MS4A15: variants seen among roughly 807,000 people sequenced by gnomAD.
The protein encoded by MS4A15 is membrane-spanning 4-domains subfamily A member 15.
Under a neutral mutation model 20.6 loss-of-function variants are expected in MS4A15, and 22 were observed. The ratio of observed to expected loss-of-function variants is 1.07; its 90% CI spans 0.76 to 1.52. MS4A15 has a LOEUF of 1.52. Ranked by LOEUF, MS4A15 falls within the 40% of genes most tolerant of loss-of-function variation. MS4A15 has a pLI of 0.00. For missense variants in MS4A15, 312 were observed against 323.0 expected, an observed-to-expected ratio of 0.97 and a Z score of 0.26; for synonymous variants, 129 against 129.3, an observed-to-expected ratio of 1.00 and a Z score of 0.02.
At chr11:60,763,553 TTC>T (rs1262910373) in intron 1 of MS4A15, among the ~76,000 whole-genome samples, 151 bp from the exon 2 acceptor site, 1 of 152,226 alleles carries the variant, frequency 6.6e-6, no homozygotes, top group Non-Finnish European at 1.5e-5. Flanking sequence ...CATCTTTCGC[TTC>T]TCTGAGTCTC....
chr11:60,760,828 G>C (rs993781603), intron 1 of MS4A15, among the ~76,000 whole-genome samples: 6 of 152,204 alleles, frequency 3.9e-5, no homozygotes, highest in Admixed American at 3.9e-4. Flanking sequence ...TGACAATGAC[G>C]GTGATGACTC....
At chr11:60,773,543 A>G in intron 5 of MS4A15, 59 bp downstream of exon 5, 1 of 1,497,696 alleles carries the variant, frequency 6.7e-7, no homozygotes, top group Non-Finnish European at 9.3e-7. Flanking sequence ...AGCCATGTCC[A>G]GGAGGGTAGG....
At chr11:60,770,427 G>A (rs1268766211) in intron 3 of MS4A15, among the ~76,000 whole-genome samples, 3 of 151,642 alleles carry the variant, frequency 2.0e-5, no homozygotes, top group African/African-American at 4.8e-5. Context: ...GTGAAACCCC[G>A]TCTCTCCTAA....
chr11:60,767,520 G>C lies in MS4A15; in HGVS notation c.226-13G>C. ...ACAGGGCCCGCGGCACTGAGCCTCGGGGCTTCCCGCAGACGGTGCAGATCC... is the reference window on the plus strand; with the variant it reads ...ACAGGGCCCGCGGCACTGAGCCTCGCGGCTTCCCGCAGACGGTGCAGATCC... On this transcript the variant is annotated splice_polypyrimidine_tract_variant and intron_variant, in intron 2 of 6. Transcript: ENST00000405633. 6.6e-7 allele frequency: 1 copy of C among 1,512,166 alleles called. No homozygotes were observed. 93.7% of individuals were successfully genotyped at this position (1,512,166 alleles called of 1,614,324 possible). A position where few individuals can be genotyped will look rare whatever the true frequency, so the allele number is the denominator to read the frequency against.
rs367563243 is a variant in MS4A15 at position 60,773,828 on chromosome 11, G to A, written c.499-9G>A. ...CTGGGCTCACCTTTCTGTGGGTTTTGGTCCCCAGGATGTGGACAGGGGCTA... is the reference window on the plus strand; with the variant it reads ...CTGGGCTCACCTTTCTGTGGGTTTTAGTCCCCAGGATGTGGACAGGGGCTA... On this transcript the variant is annotated splice_polypyrimidine_tract_variant and intron_variant, in intron 5 of 6. Transcript: ENST00000405633. 14 of 1,608,058 alleles carry A rather than the reference G, an allele frequency of 8.7e-6. No homozygotes were observed. The East Asian group carries it at 3.1e-4, about 36-fold the overall frequency.
intron 2 of MS4A15, 50 bp from the exon 3 acceptor site, chr11:60,767,483 G>C (rs1853911520): frequency 7.0e-7 from 1 of 1,428,230 alleles, no homozygotes; most frequent in Non-Finnish European, 9.2e-7. Flanking sequence ...GGCCGGCAGG[G>C]GGCGGTGTGG....
chr11:60,767,114 A>G (rs909148449), intron 2 of MS4A15, among the ~76,000 whole-genome samples: 5 of 152,294 alleles, frequency 3.3e-5, no homozygotes, highest in Non-Finnish European at 5.9e-5. Flanking sequence ...GGCTGGGACG[A>G]TCAGTGATGG....
chr11:60,767,623 G>C lies in MS4A15; in HGVS notation c.316G>C (p.Glu106Gln). ...RRGHVGIFFI[E>Q]GGVPFWGGAC... ...CGGCCACGTGGGCATCTTCTTCATC[G>C]AGGGCGGCGTCCCCTTCTGGGGAGG... Residue 106 changes from glutamate (E) to glutamine (Q), a missense_variant, in exon 3 of 7, where the codon GAG becomes CAG. Coordinates refer to ENST00000405633, the MANE Select transcript of MS4A15 (RefSeq NM_001098835.2). 1.3e-6 allele frequency: 2 copies of C among 1,556,988 alleles called. No homozygotes were observed. Among genetic ancestry groups the C allele is most frequent in the Non-Finnish European group, 1.7e-6 (2 of 1,149,754 alleles).
chr11:60,774,004 T>C, intron 6 of MS4A15, 54 bp downstream of exon 6: 1 of 1,445,020 alleles, frequency 6.9e-7, no homozygotes. Flanking sequence ...TGAGCCTGTG[T>C]GGAAGGCAGT....
At chr11:60,774,068 A>G in intron 6 of MS4A15, 118 bp downstream of exon 6, 1 of 754,472 alleles carries the variant, frequency 1.3e-6, no homozygotes. Flanking sequence ...CTGGGAAGCA[A>G]TAAGAAGAGA....
chr11:60,770,471 G>A lies in MS4A15; in HGVS notation c.349-820G>A, dbSNP rs186113602. 4.6e-5 allele frequency among the ~76,000 whole-genome samples: 7 copies of A among 151,862 alleles called. 2 individuals are homozygous for A. Among genetic ancestry groups the A allele is most frequent in the East Asian group, 3.9e-4 (2 of 5,068 alleles). ...AAATTAGCTGGGTGTGGTGGCGGGC[G>A]TCTGTAGTCCCAGCTACTTGGGAGG... is the stretch of plus-strand genomic sequence containing the variant. On this transcript the variant is annotated intron_variant, in intron 3 of 6. Transcript: ENST00000405633.
chr11:60,771,281 C>G lies in MS4A15; in HGVS notation c.349-10C>G. 6.2e-7 allele frequency: 1 copy of G among 1,613,540 alleles called. No individual in the cohort carries two copies. The highest frequency in any genetic ancestry group is 1.3e-5 in the African/African-American group (1 of 75,052). ...GCTGAGGCCTCACCTGGTCCCCTCT[C>G]CCCATACAGTTCATCATCTCCGGAT... On this transcript the variant is annotated splice_polypyrimidine_tract_variant and intron_variant, in intron 3 of 6. Transcript: ENST00000405633.
chr11:60,772,347 A>G (rs1445438619), intron 4 of MS4A15, among the ~76,000 whole-genome samples: 1 of 152,114 alleles, frequency 6.6e-6, no homozygotes, highest in South Asian at 2.1e-4. Flanking sequence ...CCCTGTTTCC[A>G]TACTTGAGAG....
chr11:60,766,683 A>C (rs1228013451), intron 2 of MS4A15, among the ~76,000 whole-genome samples: 2 of 152,264 alleles, frequency 1.3e-5, no homozygotes, highest in East Asian at 3.8e-4. Flanking sequence ...GCTCATGTCC[A>C]TGAATATCCA....
chr11:60,771,400 C>T (rs752468174), intron 4 of MS4A15, 53 bp downstream of exon 4: 4 of 1,609,476 alleles, frequency 2.5e-6, no homozygotes, highest in Admixed American at 3.4e-5. Flanking sequence ...AGCTAAATCT[C>T]ACTCTACCCT....
Position 60,776,003 on chromosome 11 carries a change from T to G in MS4A15, c.*288T>G, listed in dbSNP as rs2134737049. 1 of 273,358 alleles carries G rather than the reference T, an allele frequency of 3.7e-6. No individual in the cohort carries two copies. Among genetic ancestry groups the G allele is most frequent in the East Asian group, 6.7e-5 (1 of 14,910 alleles). 16.9% of individuals were successfully genotyped at this position (273,358 alleles called of 1,614,324 possible). A position where few individuals can be genotyped will look rare whatever the true frequency, so the allele number is the denominator to read the frequency against. On this transcript the variant is annotated 3_prime_UTR_variant, in exon 7 of 7. Coordinates refer to ENST00000405633, the MANE Select transcript of MS4A15 (RefSeq NM_001098835.2). ...CACCCACCTTGTGCATCTAAGCATT[T>G]CTCTGCTCATTGGGGAAATCCTGGC...
In MS4A15 at chr11:60,759,964, G is replaced by A. The variant is rs571782330; in HGVS notation, c.-29+2906G>A. ...CTGAGGGAACTCGGAGACCGGCGCCGGTGCAGTTCCTCGCATGCTGAGTGT... is the reference window on the plus strand; with the variant it reads ...CTGAGGGAACTCGGAGACCGGCGCCAGTGCAGTTCCTCGCATGCTGAGTGT... On this transcript the variant is annotated intron_variant, in intron 1 of 6. Transcript: ENST00000405633. 1.2e-4 allele frequency among the ~76,000 whole-genome samples: 18 copies of A among 152,260 alleles called. No homozygotes were observed. In the South Asian group the frequency reaches 2.1e-3, roughly 18 times the overall value.
At chr11:60,771,140 C>A in intron 3 of MS4A15, 151 bp from the exon 4 acceptor site, 1 of 767,180 alleles carries the variant, frequency 1.3e-6, no homozygotes, top group Non-Finnish European at 2.1e-6. Flanking sequence ...GGGGACACCC[C>A]TGCCGAGAGA....
chr11:60,772,871 C>T (rs901828775), intron 4 of MS4A15, among the ~76,000 whole-genome samples: 14 of 152,184 alleles, frequency 9.2e-5, no homozygotes, highest in African/African-American at 3.4e-4. Context: ...TCCTGCCTCT[C>T]CTGTCTCCCC....
Sources: allele counts gnomAD v4.1 joint callset (sites outside exome capture counted in the v4.1 genomes callset), GRCh38; gene constraint gnomAD v4.1.1; transcripts MANE v1.5; gene names NCBI Gene and HGNC (gene_info 2026-07-23, HGNC 2026-07-21).